Variants in ZNF280D observed in about 807,000 individuals in gnomAD.
ZNF280D encodes zinc finger protein 280D, also known as suppressor of hairy wing homolog 4.
In ZNF280D, 39 loss-of-function variants were observed where a neutral mutation model predicts 94.7. That is an observed-to-expected ratio of 0.41 (90% CI 0.32 to 0.54). The LOEUF (loss-of-function observed/expected upper bound fraction) is 0.54, where lower values mean the gene tolerates loss of function less well. ZNF280D is among the 20% of genes least tolerant of loss of function. ZNF280D has a pLI of 0.22. For synonymous variants in ZNF280D, 398 were observed against 377.6 expected (o/e 1.05, Z -0.63); for missense variants, 1,090 against 1,149.3 (o/e 0.95, Z 0.75).
At chr15:56,711,860 T>C (rs11638580) in intron 1 of ZNF280D, among the ~76,000 whole-genome samples, 73,234 of 152,108 alleles carry the variant, frequency 0.48, 19,478 homozygotes, top group East Asian at 0.61. Flanking sequence ...CAAACCTAGA[T>C]GGTATTGCCT....
At chr15:56,699,559 T>C (rs2056937385) in intron 6 of ZNF280D, 1 of 826,666 alleles carries the variant, frequency 1.2e-6, no homozygotes, top group African/African-American at 1.8e-5. Context: ...CTTCCTGAGA[T>C]TTTGATATGT....
chr15:56,698,282 GA>G (rs1232587989), intron 6 of ZNF280D: 1 of 152,070 alleles, frequency 6.6e-6, no homozygotes, highest in East Asian at 1.9e-4. Flanking sequence ...TCCAAATGGT[GA>G]CATAGTTCAT....
At chr15:56,705,787 TTA>T (rs1336318125) in intron 3 of ZNF280D, among the ~76,000 whole-genome samples, 1 of 152,014 alleles carries the variant, frequency 6.6e-6, no homozygotes, top group Non-Finnish European at 1.5e-5. Context: ...TGTCTTAATT[TTA>T]TATGTCTAAC....
At chr15:56,680,746 G>T (rs1436062669) in intron 10 of ZNF280D, among the ~76,000 whole-genome samples, 3 of 151,520 alleles carry the variant, frequency 2.0e-5, no homozygotes, top group African/African-American at 7.3e-5. Flanking sequence ...CAAAGTGCTG[G>T]GATTACAGGC....
intron 19 of ZNF280D, among the ~76,000 whole-genome samples, chr15:56,647,382 A>AG (rs773228407): frequency 5.9e-5 from 9 of 152,182 alleles, no homozygotes; most frequent in Admixed American, 3.3e-4. Flanking sequence ...AATTCGAAGA[A>AG]GGGAGAAAGC....
chr15:56,725,597 G>A lies in ZNF280D; in HGVS notation c.-86+7861C>T, dbSNP rs1365830433. Among the ~76,000 whole-genome samples the A allele has an allele frequency of 3.3e-5, 5 of 152,114 alleles. No homozygotes were observed. The South Asian group carries it at 1.0e-3, about 32-fold the overall frequency. On this transcript the variant is annotated intron_variant, in intron 1 of 21. Coordinates refer to ENST00000267807, the MANE Select transcript of ZNF280D (RefSeq NM_017661.4). ...CTGTTGAAGAAAATACAGCTTCACA[G>A]GAAAAGTATGTGGTAAAGGGAGGAC...
intron 7 of ZNF280D, among the ~76,000 whole-genome samples, chr15:56,692,827 T>G (rs1261930798): frequency 6.6e-6 from 1 of 152,150 alleles, no homozygotes; most frequent in Non-Finnish European, 1.5e-5. Flanking sequence ...CAGAAATTAT[T>G]TTAATATTTC....
At chr15:56,689,624 G>T (rs1041661624) in intron 7 of ZNF280D, among the ~76,000 whole-genome samples, 154 bp from the exon 8 acceptor site, 3 of 151,184 alleles carry the variant, frequency 2.0e-5, no homozygotes, top group African/African-American at 7.3e-5. Flanking sequence ...CAAACTCAAG[G>T]GTGTAAAGAA....
intron 20 of ZNF280D, among the ~76,000 whole-genome samples, chr15:56,640,146 G>A (rs1279019445): frequency 6.6e-6 from 1 of 152,042 alleles, no homozygotes; most frequent in Admixed American, 6.6e-5. Flanking sequence ...AAATCATGGG[G>A]TACTTTCTGG....
chr15:56,666,061 G>A (rs1237530964), intron 16 of ZNF280D, among the ~76,000 whole-genome samples: 1 of 151,758 alleles, frequency 6.6e-6, no homozygotes, highest in African/African-American at 2.4e-5. Context: ...GCTTGATCCT[G>A]GGAGGCAGAG....
intron 13 of ZNF280D, among the ~76,000 whole-genome samples, chr15:56,676,182 A>C (rs2055219213): frequency 6.6e-6 from 1 of 152,128 alleles, no homozygotes; most frequent in African/African-American, 2.4e-5. Flanking sequence ...CAACTATAAA[A>C]GACAACTCCA....
chr15:56,710,506 C>T (rs2057700884), intron 1 of ZNF280D, among the ~76,000 whole-genome samples: 2 of 151,666 alleles, frequency 1.3e-5, no homozygotes, highest in South Asian at 4.2e-4. Flanking sequence ...ATTTAATATA[C>T]TGTTTGCATG....
intron 1 of ZNF280D, among the ~76,000 whole-genome samples, chr15:56,724,675 G>C (rs776761970): frequency 6.6e-6 from 1 of 152,160 alleles, no homozygotes; most frequent in African/African-American, 2.4e-5. Flanking sequence ...CTTTTGCAAA[G>C]AAGTATTTGT....
chr15:56,667,226 GAAT>G (rs2054354289), intron 14 of ZNF280D, among the ~76,000 whole-genome samples: 1 of 152,068 alleles, frequency 6.6e-6, no homozygotes, highest in Non-Finnish European at 1.5e-5. Flanking sequence ...AGTTATCAGT[GAAT>G]AATTAGGAGT....
At chr15:56,650,700 T>C (rs1193824531) in intron 19 of ZNF280D, among the ~76,000 whole-genome samples, 6 of 152,190 alleles carry the variant, frequency 3.9e-5, no homozygotes, top group African/African-American at 1.4e-4. Flanking sequence ...GAAATTATCA[T>C]TCTATTCTCA....
chr15:56,704,202 T>A lies in ZNF280D; in HGVS notation c.94A>T (p.Lys32Ter), dbSNP rs1278132739. The change falls in exon 4 of 22, where the codon AAA becomes TAA. Residue 32 changes from lysine (K) to a stop codon, truncating the protein, a stop_gained. Transcript: ENST00000267807. LOFTEE classifies it high-confidence loss of function. ...TCGTCATCCTCAACTTCTTTTACTT[T>A]CTTCTGCCATGGTTCCAGCTCCTCT... ...EEEELEPWQKKVKEVEDDDDD... is the reference protein window; with the variant it reads ...EEEELEPWQK 6.2e-7 allele frequency: 1 copy of A among 1,613,580 alleles called. No homozygotes were observed. The highest frequency in any genetic ancestry group is 8.5e-7 in the Non-Finnish European group (1 of 1,179,882).
intron 16 of ZNF280D, among the ~76,000 whole-genome samples, chr15:56,660,386 A>G (rs150561958): frequency 3.9e-5 from 6 of 152,218 alleles, no homozygotes; most frequent in African/African-American, 1.4e-4. Context: ...AACTTATACC[A>G]TATCATAATG....
chr15:56,676,676 C>A lies in ZNF280D; in HGVS notation c.1404G>T (p.Lys468Asn). 1 of 1,602,888 alleles carries A rather than the reference C, an allele frequency of 6.2e-7. No homozygotes were observed. Among genetic ancestry groups the A allele is most frequent in the Non-Finnish European group, 8.5e-7 (1 of 1,175,924 alleles). Residue 468 changes from lysine to asparagine, a missense_variant, in exon 13 of 22, where the codon AAG becomes AAT. By Grantham distance (94) the Lys-to-Asn change is moderately conservative (BLOSUM62 0). Coordinates refer to ENST00000267807, the MANE Select transcript of ZNF280D (RefSeq NM_017661.4). ...AAGAACTGGTAAATCTCACCTGATG[C>A]TTCATATAATGATGCATATATGGTG... ...IATPYMHHYM[K>N]HQKKGIHRCT...
At chr15:56,632,843 T>C (rs2052150794) in intron 21 of ZNF280D, among the ~76,000 whole-genome samples, 1 of 151,990 alleles carries the variant, frequency 6.6e-6, no homozygotes, top group Non-Finnish European at 1.5e-5. Flanking sequence ...ATACATAAAA[T>C]CAGATAAGCA....
Sources: gnomAD v4.1 joint callset for allele counts (sites outside exome capture counted in the v4.1 genomes callset) on GRCh38, gnomAD v4.1.1 for gene constraint, MANE v1.5 for transcripts, NCBI Gene and HGNC (gene_info 2026-07-23, HGNC 2026-07-21) for gene names.